The following RBM23 variants were observed in gnomAD, a reference collection of about 807,000 sequenced individuals.
RBM23 encodes the protein probable RNA-binding protein 23.
A neutral mutation model predicts 56.2 loss-of-function variants in RBM23; 53 were observed. The ratio of observed to expected loss-of-function variants is 0.94; its 90% CI spans 0.76 to 1.19. The LOEUF is 1.19. RBM23 is among the 50% of genes most tolerant of loss of function. The probability of loss-of-function intolerance (pLI) is 0.00; values close to 1 mark genes in which losing one functional copy is unlikely to be tolerated. For synonymous variants in RBM23, 197 were observed against 198.5 expected (o/e 0.99, Z 0.06); for missense variants, 642 against 590.3 (o/e 1.09, Z -0.91).
Position 22,905,143 on chromosome 14 carries a change from A to G in RBM23, c.677T>C (p.Leu226Pro). The change falls in exon 8 of 14, where the codon CTG becomes CCG. Residue 226 changes from leucine to proline, a missense_variant. Physicochemically the swap from Leu to Pro is moderately conservative, Grantham distance 98. Transcript: ENST00000359890. ...CACTCCCAGCAACCGCTGCCCAGTC[A>G]GCCCAATGGCCAGTGGCACAGACTG... Reference protein sequence around the residue: ...EIQSVPLAIGLTGQRLLGVPI... With the variant: ...EIQSVPLAIGPTGQRLLGVPI... The G allele has an allele frequency of 6.2e-7, 1 of 1,614,208 alleles. No individual in the cohort carries two copies. The highest frequency in any genetic ancestry group is 1.1e-5 in the South Asian group (1 of 91,088).
Position 22,896,164 on chromosome 14 carries a change from G to A in RBM23, c.*5566C>T, listed in dbSNP as rs148994941. 5 of 152,328 alleles carry A rather than the reference G, an allele frequency of 3.3e-5. No individual in the cohort carries two copies. The East Asian group carries it at 7.7e-4, about 23-fold the overall frequency. The allele number at this position is 152,328 out of a possible 1,614,324, so 9.4% of individuals were successfully genotyped here. A position where few individuals can be genotyped will look rare whatever the true frequency, so the allele number is the denominator to read the frequency against. On this transcript the variant is annotated 3_prime_UTR_variant, in exon 14 of 14. Transcript: ENST00000359890. ...AGGCATCCAGAGGAGTGAAAATACT[G>A]AGGACAGTAATGAGCCAAGTTCCAA...
At chr14:22,904,180 G>A (rs1319223327) in intron 10 of RBM23, 81 bp downstream of exon 10, 4 of 1,609,932 alleles carry the variant, frequency 2.5e-6, no homozygotes, top group East Asian at 2.2e-5. Context: ...TCCTAAAGGA[G>A]GAGGATGAAG....
At chr14:22,908,285 G>A (rs1321737492) in intron 4 of RBM23, 48 bp downstream of exon 4, 6 of 1,542,100 alleles carry the variant, frequency 3.9e-6, no homozygotes, top group Non-Finnish European at 5.2e-6. Flanking sequence ...CTTCCAAAGT[G>A]CTAGGATTAA....
chr14:22,902,886 T>C, intron 10 of RBM23: 1 of 757,276 alleles, frequency 1.3e-6, no homozygotes, highest in Non-Finnish European at 1.6e-6. Context: ...GCAATTCTCC[T>C]GCCTCAGCCT....
rs767960386 is a variant in RBM23 at position 22,905,389 on chromosome 14, C to T, written c.520G>A (p.Ala174Thr). The change falls in exon 7 of 14, where the codon GCT becomes ACT. Residue 174 changes from alanine to threonine, a missense_variant. Coordinates refer to ENST00000359890, the MANE Select transcript of RBM23 (RefSeq NM_001077351.2). ...DARTVFCMQL[A>T]ARIRPRDLED... ...AGATCTCGAGGCCGAATTCGGGCAG[C>T]TAACTGCATACAGAAAACTGTGCGG... 7.4e-6 allele frequency: 12 copies of T among 1,614,036 alleles called. No homozygotes were observed. Among genetic ancestry groups the T allele is most frequent in the Non-Finnish European group, 1.0e-5 (12 of 1,180,046 alleles).
chr14:22,895,430 G>C lies in RBM23; in HGVS notation c.*6300C>G, dbSNP rs1320652681. ...AAGGAAAATGCCAGTGTAGGGCTAG[G>C]CTCTGGAGACCAACAAAGACAGGTG... On this transcript the variant is annotated 3_prime_UTR_variant, in exon 14 of 14. Transcript: ENST00000359890. 1 of 151,970 alleles carries C rather than the reference G, an allele frequency of 6.6e-6. No homozygotes were observed. Among genetic ancestry groups the C allele is most frequent in the Admixed American group, 6.6e-5 (1 of 15,238 alleles). The allele number at this position is 151,970 out of a possible 1,614,324, so 9.4% of individuals were successfully genotyped here.
At chr14:22,917,056 C>G (rs199633452) in intron 1 of RBM23, 1 of 151,974 alleles carries the variant, frequency 6.6e-6, no homozygotes. Context: ...TTAGCAGAGA[C>G]GGGGTTTCTC....
rs374321446 is a variant in RBM23, at chr14:22,905,117, G to T, written c.703C>A (p.Pro235Thr). The T allele has an allele frequency of 1.2e-6, 2 of 1,614,116 alleles. No individual in the cohort carries two copies. The highest frequency in any genetic ancestry group is 1.7e-6 in the Non-Finnish European group (2 of 1,180,012). ...GLTGQRLLGV[P>T]IIVQASQAEK... The stretch of plus-strand genomic sequence containing the variant: ...ACCTGTGAAGCCTGTACAATGATAG[G>T]CACTCCCAGCAACCGCTGCCCAGTC... The change falls in exon 8 of 14, where the codon CCT (proline) becomes ACT (threonine). Residue 235 changes from proline to threonine, a missense_variant. Pro to Thr is a conservative substitution (Grantham distance 38, BLOSUM62 -1). Transcript: ENST00000359890.
chr14:22,904,007 G>C (rs2041076244), intron 10 of RBM23: 2 of 1,421,998 alleles, frequency 1.4e-6, no homozygotes, highest in East Asian at 2.8e-5. Context: ...AAAGAGCCAA[G>C]TTGCAGCACC....
At position 22,896,374 on chromosome 14, in the gene RBM23, C is replaced by T. The variant is rs1344933718; in HGVS notation, c.*5356G>A. ...GACACTCGGCTACAGGGTGGAGGTC[C>T]CCTAGCTTGCTTATGCTCAGGAGTT... On this transcript the variant is annotated 3_prime_UTR_variant, in exon 14 of 14. Coordinates refer to ENST00000359890, the MANE Select transcript of RBM23 (RefSeq NM_001077351.2). The T allele has an allele frequency of 6.6e-6, 1 of 152,070 alleles. No individual in the cohort carries two copies. Among genetic ancestry groups the T allele is most frequent in the Non-Finnish European group, 1.5e-5 (1 of 68,020 alleles). The allele number at this position is 152,070 out of a possible 1,614,324, so 9.4% of individuals were successfully genotyped here.
At chr14:22,910,176 A>AAAAAAAAAAAAAC in intron 2 of RBM23, among the ~76,000 whole-genome samples, 1 of 127,304 alleles carries the variant, frequency 7.9e-6, no homozygotes, top group Non-Finnish European at 1.7e-5. Flanking sequence ...AAAAAAAAAA[A>AAAAAAAAAAAAAC]AGAGGCTGGG....
Position 22,896,328 on chromosome 14 carries a change from T to C in RBM23, c.*5402A>G, listed in dbSNP as rs749685510. 1.3e-5 allele frequency: 2 copies of C among 152,234 alleles called. No individual in the cohort carries two copies. Among genetic ancestry groups the C allele is most frequent in the African/African-American group, 2.4e-5 (1 of 41,454 alleles). The allele number at this position is 152,234 out of a possible 1,614,324, so 9.4% of individuals were successfully genotyped here. On this transcript the variant is annotated 3_prime_UTR_variant, in exon 14 of 14. Transcript: ENST00000359890. ...TGTGAGGGAAGAGGGATCTGAACCA[T>C]GCTGTGTGGTTCCAGAGTGTGACAC...
rs1457337758 is a variant in RBM23 at position 22,902,505 on chromosome 14, C to A, written c.931-123G>T. ...TATGCTCACTGAGGTACAAACTTTT[C>A]TTTCCCAGAAAATATGACCTAGGCC... On this transcript the variant is annotated intron_variant, in intron 10 of 13. Transcript: ENST00000359890. 14 of 1,428,630 alleles carry A rather than the reference C, an allele frequency of 9.8e-6. 1 individual carries two copies. Among genetic ancestry groups the A allele is most frequent in the Non-Finnish European group, 1.3e-5 (14 of 1,086,280 alleles). The allele number at this position is 1,428,630 out of a possible 1,614,324, so 88.5% of individuals were successfully genotyped here. A position where few individuals can be genotyped will look rare whatever the true frequency, so the allele number is the denominator to read the frequency against.
chr14:22,904,975 A>T lies in RBM23; in HGVS notation c.764T>A (p.Leu255Gln). 1 of 1,614,206 alleles carries T rather than the reference A, an allele frequency of 6.2e-7. No homozygotes were observed. Among genetic ancestry groups the T allele is most frequent in the African/African-American group, 1.3e-5 (1 of 75,048 alleles). ...KNRLAAMANN[L>Q]QKGNGGPMRL... ...CATTGGTCCACCATTGCCCTTTTGC[A>T]GGTTGTTGGCCATGGCTGCCAGTCG... Residue 255 changes from leucine to glutamine, a missense_variant, in exon 9 of 14, where the codon CTG (leucine) becomes CAG (glutamine). Physicochemically the swap from Leu to Gln is moderately radical, Grantham distance 113 (BLOSUM62 -2). Coordinates refer to ENST00000359890, the MANE Select transcript of RBM23 (RefSeq NM_001077351.2).
At chr14:22,902,984 G>C (rs542032386) in intron 10 of RBM23, 1 of 753,200 alleles carries the variant, frequency 1.3e-6, no homozygotes, top group Non-Finnish European at 1.6e-6. Context: ...GTTTCACCAC[G>C]TTGGTCAGGC....
At position 22,896,222 on chromosome 14, in the gene RBM23, T is replaced by A. The variant is rs1316957493; in HGVS notation, c.*5508A>T. 1 of 152,162 alleles carries A rather than the reference T, an allele frequency of 6.6e-6. No individual in the cohort carries two copies. The highest frequency in any genetic ancestry group is 2.4e-5 in the African/African-American group (1 of 41,446). 9.4% of individuals were successfully genotyped at this position (152,162 alleles called of 1,614,324 possible). ...TCAATGAATTCTCACAACATCCCTA[T>A]GAGATAGGTGTTATCATTTCCTTTT... On this transcript the variant is annotated 3_prime_UTR_variant, in exon 14 of 14. Coordinates refer to ENST00000359890, the MANE Select transcript of RBM23 (RefSeq NM_001077351.2).
At chr14:22,907,570 T>A (rs2041785861) in intron 4 of RBM23, among the ~76,000 whole-genome samples, 1 of 152,226 alleles carries the variant, frequency 6.6e-6, no homozygotes, top group South Asian at 2.1e-4. Context: ...CTACATACAA[T>A]ATGTATCAAT....
Position 22,895,396 on chromosome 14 carries a change from T to A in RBM23, c.*6334A>T, listed in dbSNP as rs2040232504. 1 of 151,974 alleles carries A rather than the reference T, an allele frequency of 6.6e-6. No individual in the cohort carries two copies. The highest frequency in any genetic ancestry group is 2.1e-4 in the South Asian group (1 of 4,810). The allele number at this position is 151,974 out of a possible 1,614,324, so 9.4% of individuals were successfully genotyped here. A position where few individuals can be genotyped will look rare whatever the true frequency, so the allele number is the denominator to read the frequency against. On this transcript the variant is annotated 3_prime_UTR_variant, in exon 14 of 14. Coordinates refer to ENST00000359890, the MANE Select transcript of RBM23 (RefSeq NM_001077351.2). Reference sequence around the variant, plus strand: ...AAAAATAAATAAATAAAAAAAATACTTATTCAGAAAGGAAAATGCCAGTGT... The same window carrying A: ...AAAAATAAATAAATAAAAAAAATACATATTCAGAAAGGAAAATGCCAGTGT...
At position 22,900,635 on chromosome 14, in the gene RBM23, A is replaced by G. The variant is rs979491799; in HGVS notation, c.*1095T>C. On this transcript the variant is annotated 3_prime_UTR_variant, in exon 14 of 14. Transcript: ENST00000359890. ...TTTCTTTCTAAAGGTGGTTAAATAA[A>G]TAAACACAATGATGTTACTAATGTT... 6.6e-6 allele frequency: 1 copy of G among 152,194 alleles called. No homozygotes were observed. The highest frequency in any genetic ancestry group is 1.5e-5 in the Non-Finnish European group (1 of 68,046). The allele number at this position is 152,194 out of a possible 1,614,324, so 9.4% of individuals were successfully genotyped here.
Sources: allele counts gnomAD v4.1 joint callset (sites outside exome capture counted in the v4.1 genomes callset), GRCh38; gene constraint gnomAD v4.1.1; transcripts MANE v1.5; gene names NCBI Gene and HGNC (gene_info 2026-07-23, HGNC 2026-07-21).